The following BMP2K variants were observed in gnomAD, a reference collection of about 807,000 sequenced individuals.
The protein encoded by BMP2K is BMP2 inducible kinase.
Under a neutral mutation model 116.0 loss-of-function variants are expected in BMP2K, and 74 were observed. That is an observed-to-expected ratio of 0.64 (90% CI 0.53 to 0.77). BMP2K has a LOEUF of 0.77. Among genes scored for constraint, BMP2K ranks in the 30% least tolerant of loss-of-function variants. BMP2K has a pLI of 0.00. For missense variants in BMP2K, 1,365 were observed against 1,403.6 expected, an observed-to-expected ratio of 0.97 and a Z score of 0.44; for synonymous variants, 486 against 502.5, an observed-to-expected ratio of 0.97 and a Z score of 0.44.
rs535530900 is a variant in BMP2K, at chr4:78,804,156, T to A, written c.179-21881T>A. Among the ~76,000 whole-genome samples the A allele has an allele frequency of 3.6e-4, 55 of 152,286 alleles. 1 individual carries two copies. The highest frequency in any genetic ancestry group is 1.0e-3 in the African/African-American group (43 of 41,564). ...CACCCCAAACTCTTGTAATCACTAG[T>A]CTATTTTCTGTCTCTATGGATTTGT... On this transcript the variant is annotated intron_variant, in intron 1 of 15. Transcript: ENST00000502613.
At chr4:78,803,513 G>T (rs1015413574) in intron 1 of BMP2K, among the ~76,000 whole-genome samples, 22 of 151,870 alleles carry the variant, frequency 1.4e-4, no homozygotes, top group African/African-American at 5.1e-4. Context: ...TGAGTAGCTG[G>T]GATTACAGAT....
chr4:78,806,385 G>A (rs1407914069), intron 1 of BMP2K, among the ~76,000 whole-genome samples: 1 of 151,942 alleles, frequency 6.6e-6, no homozygotes, highest in Non-Finnish European at 1.5e-5. Flanking sequence ...GCTATGTTGT[G>A]CAGGCTGGCC....
chr4:78,844,912 ATTTTC>A lies in BMP2K; in HGVS notation c.547-8_547-4del. The A allele has an allele frequency of 1.3e-6, 2 of 1,580,818 alleles. No individual in the cohort carries two copies. Among genetic ancestry groups the A allele is most frequent in the Non-Finnish European group, 1.7e-6 (2 of 1,154,380 alleles). ...ACTTTGAAAATACTACTCATTATTG[ATTTTC>A]TTTTCTTAAGGTAGAAAATATTTTG... On this transcript the variant is annotated splice_polypyrimidine_tract_variant and intron_variant, in intron 4 of 15. Coordinates refer to ENST00000502613, the MANE Select transcript of BMP2K (RefSeq NM_198892.2).
intron 1 of BMP2K, among the ~76,000 whole-genome samples, chr4:78,817,591 C>T (rs1729412639): frequency 6.6e-6 from 1 of 152,158 alleles, no homozygotes; most frequent in Non-Finnish European, 1.5e-5. Flanking sequence ...CTATGTTCAC[C>T]AACCAGGAAA....
intron 13 of BMP2K, among the ~76,000 whole-genome samples, chr4:78,875,732 T>C (rs1732600431): frequency 6.6e-6 from 1 of 152,210 alleles, no homozygotes; most frequent in Non-Finnish European, 1.5e-5. Context: ...ATTTACAAGA[T>C]AGTTCACTCA....
intron 1 of BMP2K, among the ~76,000 whole-genome samples, chr4:78,792,789 G>A (rs1728067010): frequency 6.6e-6 from 1 of 151,938 alleles, no homozygotes; most frequent in Admixed American, 6.6e-5. Flanking sequence ...TCAGTGATGT[G>A]GTTTTAGATT....
intron 4 of BMP2K, among the ~76,000 whole-genome samples, chr4:78,843,283 A>G (rs1216987035): frequency 6.6e-6 from 1 of 151,880 alleles, no homozygotes; most frequent in Non-Finnish European, 1.5e-5. Context: ...AGTGAGTCCC[A>G]TCACTATAGC....
Position 78,913,195 on chromosome 4 carries a change from AT to A in BMP2K, c.*1163del, listed in dbSNP as rs930298807. ...AATGGTGACACCCACAAAGCCTTAT[AT>A]AAAGGCAGGATTCATGCATCCTGCT... On this transcript the variant is annotated 3_prime_UTR_variant, in exon 16 of 16. Coordinates refer to ENST00000502613, the MANE Select transcript of BMP2K (RefSeq NM_198892.2). The A allele has an allele frequency of 4.6e-5, 7 of 152,172 alleles. No individual in the cohort carries two copies. Among genetic ancestry groups the A allele is most frequent in the Admixed American group, 4.6e-4 (7 of 15,272 alleles). The allele number at this position is 152,172 out of a possible 1,614,324, so 9.4% of individuals were successfully genotyped here.
At chr4:78,832,690 AT>A (rs1730267982) in intron 2 of BMP2K, among the ~76,000 whole-genome samples, 2 of 152,038 alleles carry the variant, frequency 1.3e-5, no homozygotes, top group South Asian at 4.1e-4. Context: ...ATTTTGAGAG[AT>A]ATGATGTATA....
At chr4:78,814,348 C>T (rs1316847629) in intron 1 of BMP2K, among the ~76,000 whole-genome samples, 1 of 152,086 alleles carries the variant, frequency 6.6e-6, no homozygotes, top group Non-Finnish European at 1.5e-5. Flanking sequence ...TTAATCGTTT[C>T]ATATATTTGT....
At chr4:78,839,783 A>G (rs1009290125) in intron 3 of BMP2K, among the ~76,000 whole-genome samples, 3 of 152,274 alleles carry the variant, frequency 2.0e-5, no homozygotes, top group Admixed American at 6.5e-5. Context: ...CATGGGAGAA[A>G]GATGTAAGCT....
At chr4:78,873,087 A>G (rs879205095) in intron 13 of BMP2K, among the ~76,000 whole-genome samples, 14 of 152,328 alleles carry the variant, frequency 9.2e-5, no homozygotes, top group Admixed American at 6.5e-4. Context: ...TAATGTAAGT[A>G]TAAACAACAC....
intron 2 of BMP2K, among the ~76,000 whole-genome samples, chr4:78,830,291 A>C (rs999220889): frequency 7.9e-5 from 12 of 152,226 alleles, no homozygotes; most frequent in African/African-American, 2.9e-4. Context: ...AGATTTCAAC[A>C]GTGGGCTTAA....
intron 3 of BMP2K, among the ~76,000 whole-genome samples, chr4:78,836,231 CAT>C (rs1730469686): frequency 6.6e-6 from 1 of 152,018 alleles, no homozygotes. Flanking sequence ...GCCTGACCAA[CAT>C]AGTGAAACCC....
chr4:78,847,833 A>G (rs941061445), intron 6 of BMP2K, among the ~76,000 whole-genome samples: 2 of 151,648 alleles, frequency 1.3e-5, no homozygotes, highest in Admixed American at 1.3e-4. Flanking sequence ...TTTAGAACTT[A>G]TTTTATAAAT....
intron 14 of BMP2K, among the ~76,000 whole-genome samples, chr4:78,880,473 C>T (rs1390112760): frequency 3.3e-5 from 5 of 151,922 alleles, no homozygotes; most frequent in Admixed American, 1.3e-4. Flanking sequence ...TGTGTACTGA[C>T]CAGGGTTTAC....
At chr4:78,847,621 CAAT>C (rs924108542) in intron 6 of BMP2K, among the ~76,000 whole-genome samples, 9 of 151,404 alleles carry the variant, frequency 5.9e-5, no homozygotes, top group Non-Finnish European at 1.3e-4. Flanking sequence ...AGTAATTACA[CAAT>C]AATTTTCTGG....
At chr4:78,908,459 C>T (rs923769551) in intron 15 of BMP2K, among the ~76,000 whole-genome samples, 5 of 152,188 alleles carry the variant, frequency 3.3e-5, no homozygotes, top group Admixed American at 6.5e-5. Context: ...GTTCATCTTC[C>T]TCTGCTGACT....
chr4:78,806,423 C>CT (rs1560508074), intron 1 of BMP2K, among the ~76,000 whole-genome samples: 2 of 152,172 alleles, frequency 1.3e-5, no homozygotes, highest in Admixed American at 1.3e-4. Flanking sequence ...AGCAGTCCTC[C>CT]TGCCTTGGCC....
Sources: gnomAD v4.1 joint callset for allele counts (sites outside exome capture counted in the v4.1 genomes callset) on GRCh38, gnomAD v4.1.1 for gene constraint, MANE v1.5 for transcripts, NCBI Gene and HGNC (gene_info 2026-07-23, HGNC 2026-07-21) for gene names.